Variants in SLC22A3 observed in about 807,000 individuals in gnomAD.
SLC22A3 encodes the protein EMT organic cation transporter 3.
SLC22A3 carries 51 observed loss-of-function variants against 59.1 expected under a neutral mutation model. The ratio of observed to expected loss-of-function variants is 0.86; its 90% CI spans 0.69 to 1.09. The LOEUF (loss-of-function observed/expected upper bound fraction) is 1.09. Among genes scored for constraint, SLC22A3 ranks in the 50% least tolerant of loss-of-function variants. The pLI is 0.00. For missense variants in SLC22A3, 711 were observed against 726.3 expected (o/e 0.98, Z 0.24); for synonymous variants, 325 against 292.0 (o/e 1.11, Z -1.15).
At chr6:160,406,616 ACCTTAGGAATTAGC>A (rs1460138921) in intron 2 of SLC22A3, among the ~76,000 whole-genome samples, 3 of 152,338 alleles carry the variant, frequency 2.0e-5, no homozygotes, top group East Asian at 3.9e-4. Context: ...CGTTTTGAAG[ACCTTAGGAATTAGC>A]CCAAGGTCTT....
intron 2 of SLC22A3, among the ~76,000 whole-genome samples, chr6:160,406,173 G>A (rs1031810239): frequency 1.3e-5 from 2 of 152,100 alleles, no homozygotes; most frequent in Non-Finnish European, 2.9e-5. Context: ...GCATGTGTAG[G>A]GGCAGGGGAC....
At chr6:160,422,115 C>A (rs1362756874) in intron 5 of SLC22A3, among the ~76,000 whole-genome samples, 1 of 152,158 alleles carries the variant, frequency 6.6e-6, no homozygotes, top group East Asian at 1.9e-4. Context: ...GCTTGCTAGA[C>A]CTTGGACCCA....
chr6:160,408,849 A>T lies in SLC22A3; in HGVS notation c.785A>T (p.Tyr262Phe). 6.2e-7 allele frequency: 1 copy of T among 1,613,694 alleles called. No homozygotes were observed. Among genetic ancestry groups the T allele is most frequent in the Non-Finnish European group, 8.5e-7 (1 of 1,179,822 alleles). ...ATCATAATTCTCCCTGGAATTGCCT[A>T]CTTCATCCCCAACTGGCAAGGAATC... ...LGIIILPGIA[Y>F]FIPNWQGIQL... Residue 262 changes from tyrosine to phenylalanine, a missense_variant, in exon 4 of 11, where the codon TAC becomes TTC. Physicochemically the swap from Tyr to Phe is conservative, Grantham distance 22. Coordinates refer to ENST00000275300, the MANE Select transcript of SLC22A3 (RefSeq NM_021977.4).
intron 1 of SLC22A3, among the ~76,000 whole-genome samples, chr6:160,350,986 T>TG (rs1259643576): frequency 3.9e-5 from 6 of 152,224 alleles, no homozygotes; most frequent in African/African-American, 1.4e-4. Flanking sequence ...GGTCACCACC[T>TG]GGTTACTGTT....
rs757445917 is a variant in SLC22A3 at position 160,408,865 on chromosome 6, G to T, written c.801G>T (p.Trp267Cys). Residue 267 changes from tryptophan to cysteine, a missense_variant, in exon 4 of 11, where the codon TGG becomes TGT. Trp to Cys is a radical substitution (Grantham distance 215). Coordinates refer to ENST00000275300, the MANE Select transcript of SLC22A3 (RefSeq NM_021977.4). Reference protein sequence around the residue: ...LPGIAYFIPNWQGIQLAITLP... With the variant: ...LPGIAYFIPNCQGIQLAITLP... ...GAATTGCCTACTTCATCCCCAACTGGCAAGGAATCCAGTTAGCCATCACGC... is the reference window on the plus strand; with the variant it reads ...GAATTGCCTACTTCATCCCCAACTGTCAAGGAATCCAGTTAGCCATCACGC... The T allele has an allele frequency of 1.8e-5, 29 of 1,613,604 alleles. No individual in the cohort carries two copies. In the Admixed American group the frequency reaches 2.0e-4, roughly 11 times the overall value.
Position 160,410,224 on chromosome 6 carries a change from C to T in SLC22A3, c.858-505C>T, listed in dbSNP as rs540572264. Among the ~76,000 whole-genome samples, 5 of 152,086 alleles carry T rather than the reference C, an allele frequency of 3.3e-5. No homozygotes were observed. The South Asian group carries it at 1.0e-3, about 32-fold the overall frequency. ...TAGAGACAGAGTCTTACCATGTTGG[C>T]CAAGCTGGTTGCAAACTCCTGACCT... is the stretch of plus-strand genomic sequence containing the variant. On this transcript the variant is annotated intron_variant, in intron 4 of 10. Coordinates refer to ENST00000275300, the MANE Select transcript of SLC22A3 (RefSeq NM_021977.4).
chr6:160,352,453 C>G (rs1478600234), intron 1 of SLC22A3, among the ~76,000 whole-genome samples: 1 of 152,124 alleles, frequency 6.6e-6, no homozygotes. Context: ...AATTCACTGC[C>G]CAGGGAGTGT....
intron 7 of SLC22A3, among the ~76,000 whole-genome samples, chr6:160,438,464 A>G (rs1788428890): frequency 6.6e-6 from 1 of 152,200 alleles, no homozygotes; most frequent in Non-Finnish European, 1.5e-5. Context: ...ATATAGTGGG[A>G]GTCAGAACAG....
intron 7 of SLC22A3, among the ~76,000 whole-genome samples, chr6:160,439,823 C>T (rs1040267120): frequency 6.6e-6 from 1 of 152,202 alleles, no homozygotes; most frequent in African/African-American, 2.4e-5. Flanking sequence ...AATCCCTAAA[C>T]TGAGTTCCAA....
intron 1 of SLC22A3, among the ~76,000 whole-genome samples, chr6:160,351,545 C>T (rs1484336652): frequency 6.6e-6 from 1 of 152,198 alleles, no homozygotes; most frequent in Non-Finnish European, 1.5e-5. Context: ...CTGAATTCTG[C>T]ATAGCTAATA....
chr6:160,444,376 T>A (rs1001298031), intron 9 of SLC22A3, among the ~76,000 whole-genome samples: 1 of 152,032 alleles, frequency 6.6e-6, no homozygotes, highest in Non-Finnish European at 1.5e-5. Flanking sequence ...TAATAAAAAA[T>A]AACAAAAATA....
At chr6:160,369,617 A>G (rs1045661051) in intron 1 of SLC22A3, among the ~76,000 whole-genome samples, 1 of 152,252 alleles carries the variant, frequency 6.6e-6, no homozygotes, top group African/African-American at 2.4e-5. Context: ...GATAAAAGTA[A>G]GGAAGCTTTC....
chr6:160,444,352 C>G (rs1279812062), intron 9 of SLC22A3, among the ~76,000 whole-genome samples: 4 of 151,640 alleles, frequency 2.6e-5, no homozygotes, highest in Non-Finnish European at 4.4e-5. Flanking sequence ...GAACCTATCT[C>G]TAAAATAAAT....
chr6:160,399,115 C>G (rs1786647962), intron 2 of SLC22A3, among the ~76,000 whole-genome samples: 1 of 152,134 alleles, frequency 6.6e-6, no homozygotes, highest in Admixed American at 6.6e-5. Context: ...TTTTCTGTCA[C>G]TTTTTCTTTC....
chr6:160,425,776 A>G, intron 5 of SLC22A3: 1 of 973,036 alleles, frequency 1.0e-6, no homozygotes, highest in Non-Finnish European at 1.2e-6. Flanking sequence ...TAGTCTATAT[A>G]TTTGTTGGAA....
chr6:160,358,566 A>G (rs965972397), intron 1 of SLC22A3, among the ~76,000 whole-genome samples: 20 of 152,364 alleles, frequency 1.3e-4, no homozygotes, highest in African/African-American at 4.8e-4. Flanking sequence ...CCCAGGGTAG[A>G]GGTCGGAGCT....
intron 4 of SLC22A3, among the ~76,000 whole-genome samples, chr6:160,409,601 A>T (rs551562376): frequency 1.2e-3 from 186 of 152,004 alleles, no homozygotes; most frequent in African/African-American, 4.2e-3. Flanking sequence ...CGCCACACTG[A>T]CTTCCACAAT....
At position 160,348,789 on chromosome 6, in the gene SLC22A3, C is replaced by A. The variant is rs1338186264; in HGVS notation, c.370C>A (p.Leu124Ile). Reference protein sequence around the residue: ...LAAFPNRSAPLVPCRGGWRYA... With the variant: ...LAAFPNRSAPIVPCRGGWRYA... ...CGCCTTCCCCAACCGCTCGGCTCCCCTTGTGCCGTGCCGCGGCGGCTGGCG... is the reference window on the plus strand; with the variant it reads ...CGCCTTCCCCAACCGCTCGGCTCCCATTGTGCCGTGCCGCGGCGGCTGGCG... The change falls in exon 1 of 11, where the codon CTT becomes ATT. Residue 124 changes from leucine to isoleucine, a missense_variant. Leu to Ile is a conservative substitution (Grantham distance 5). Transcript: ENST00000275300. 1.3e-6 allele frequency: 2 copies of A among 1,573,022 alleles called. No homozygotes were observed. The highest frequency in any genetic ancestry group is 2.3e-5 in the East Asian group (1 of 43,322).
chr6:160,380,166 A>G (rs1785744258), intron 1 of SLC22A3, among the ~76,000 whole-genome samples: 1 of 152,178 alleles, frequency 6.6e-6, no homozygotes, highest in Non-Finnish European at 1.5e-5. Flanking sequence ...ATTATGTTAC[A>G]TAATATTTTA....
Sources: allele counts gnomAD v4.1 joint callset (sites outside exome capture counted in the v4.1 genomes callset), GRCh38; gene constraint gnomAD v4.1.1; transcripts MANE v1.5; gene names NCBI Gene and HGNC (gene_info 2026-07-23, HGNC 2026-07-21).